MAP2K5: variants seen among roughly 807,000 people sequenced by gnomAD.
MAP2K5 encodes mitogen-activated protein kinase kinase 5.
A neutral mutation model predicts 83.1 loss-of-function variants in MAP2K5; 49 were observed. The observed-to-expected ratio is 0.59, with a 90% CI of 0.47 to 0.75. The LOEUF (loss-of-function observed/expected upper bound fraction) is 0.75, where lower values mean the gene tolerates loss of function less well. MAP2K5 is among the 30% of genes least tolerant of loss of function. The pLI is 0.00. For missense variants in MAP2K5, 457 were observed against 557.5 expected (o/e 0.82, Z 1.82); for synonymous variants, 202 against 191.8 (o/e 1.05, Z -0.44).
In MAP2K5 at chr15:67,714,413, G is replaced by GAAAAAAAAAAAAAA. The variant is rs2088777375; in HGVS notation, c.1044+11005_1044+11006insAAAAAAAAAAAAAA. Among the ~76,000 whole-genome samples the GAAAAAAAAAAAAAA allele has an allele frequency of 4.7e-5, 2 of 42,682 alleles. 1 individual carries two copies. Among genetic ancestry groups the GAAAAAAAAAAAAAA allele is most frequent in the African/African-American group, 1.6e-4 (2 of 12,740 alleles). 28.0% of individuals were successfully genotyped at this position (42,682 alleles called of 152,430 possible). On this transcript the variant is annotated intron_variant, in intron 16 of 21. Coordinates refer to ENST00000178640, the MANE Select transcript of MAP2K5 (RefSeq NM_145160.3). Reference sequence around the variant, plus strand: ...CCCCCCACCCCTACCCAGCTGCCAGGGAAAAAAAAAAAAAAAAAAAAAAAA... The same window carrying GAAAAAAAAAAAAAA: ...CCCCCCACCCCTACCCAGCTGCCAGGAAAAAAAAAAAAAAGAAAAAAAAAAAAAAAAAAAAAAAA...
chr15:67,757,017 A>G lies in MAP2K5; in HGVS notation c.1134+8416A>G, dbSNP rs2141284570. Among the ~76,000 whole-genome samples the G allele has an allele frequency of 6.6e-6, 1 of 152,278 alleles. No individual in the cohort carries two copies. Among genetic ancestry groups the G allele is most frequent in the South Asian group, 2.1e-4 (1 of 4,820 alleles). ...CTGCAGTGAACATGGCAGTGCAGAT[A>G]TCTCTTCAGGATAGTGATTTATTTC... On this transcript the variant is annotated intron_variant, in intron 19 of 21. Coordinates refer to ENST00000178640, the MANE Select transcript of MAP2K5 (RefSeq NM_145160.3). The surrounding 1 kb of genome is among the most constrained non-coding windows in gnomAD (Gnocchi z 4.9).
At chr15:67,571,964 A>G (rs1399929736) in intron 3 of MAP2K5, among the ~76,000 whole-genome samples, 1 of 152,226 alleles carries the variant, frequency 6.6e-6, no homozygotes, top group Non-Finnish European at 1.5e-5. Flanking sequence ...ATTAACAAAA[A>G]AGGAAACAGA....
intron 15 of MAP2K5, among the ~76,000 whole-genome samples, chr15:67,700,531 T>G (rs1353024491): frequency 1.3e-5 from 2 of 152,132 alleles, no homozygotes; most frequent in African/African-American, 4.8e-5. Context: ...GTTGGTTTTG[T>G]TTTGTTTTGT....
rs955293672 is a variant in MAP2K5 at position 67,724,997 on chromosome 15, C to A, written c.1045-2919C>A. 1.3e-5 allele frequency among the ~76,000 whole-genome samples: 2 copies of A among 152,204 alleles called. No individual in the cohort carries two copies. The highest frequency in any genetic ancestry group is 6.5e-5 in the Admixed American group (1 of 15,292). On this transcript the variant is annotated intron_variant, in intron 16 of 21. Transcript: ENST00000178640. This position sits in a 1 kb window ranked among gnomAD's most constrained non-coding sequence, Gnocchi z 4.4. Reference sequence around the variant, plus strand: ...GAGGTCAGACCTGCAAGATGTCTTACAAGCAGTCCTCCCAGGAACATAGTT... The same window carrying A: ...GAGGTCAGACCTGCAAGATGTCTTAAAAGCAGTCCTCCCAGGAACATAGTT...
intron 13 of MAP2K5, among the ~76,000 whole-genome samples, chr15:67,670,719 C>A (rs1477510589): frequency 1.3e-5 from 2 of 151,652 alleles, no homozygotes; most frequent in African/African-American, 2.4e-5. Context: ...GCCAACCCCC[C>A]CACCCCAAGA....
At chr15:67,591,769 A>G (rs1201954950) in intron 6 of MAP2K5, among the ~76,000 whole-genome samples, 1 of 152,068 alleles carries the variant, frequency 6.6e-6, no homozygotes, top group African/African-American at 2.4e-5. Context: ...ATAACTCATT[A>G]TAAAGCTAGA....
intron 16 of MAP2K5, among the ~76,000 whole-genome samples, chr15:67,705,668 G>A (rs1333059233): frequency 1.3e-5 from 2 of 152,060 alleles, no homozygotes; most frequent in East Asian, 1.9e-4. Flanking sequence ...CCCAGGAGGC[G>A]GAGGTTGTGG....
chr15:67,705,508 G>A (rs2088528757), intron 16 of MAP2K5, among the ~76,000 whole-genome samples: 5 of 152,214 alleles, frequency 3.3e-5, no homozygotes, highest in Admixed American at 2.6e-4. Flanking sequence ...GCTGAGGTGG[G>A]CAGATCACCT....
chr15:67,602,692 C>T (rs927229969), intron 8 of MAP2K5, among the ~76,000 whole-genome samples: 3 of 152,192 alleles, frequency 2.0e-5, no homozygotes, highest in African/African-American at 4.8e-5. Context: ...GATGGAGTCT[C>T]GCTCTGTTGC....
chr15:67,699,970 T>TAAAA (rs5813453), intron 15 of MAP2K5, among the ~76,000 whole-genome samples: 11 of 140,912 alleles, frequency 7.8e-5, no homozygotes, highest in African/African-American at 1.3e-4. Context: ...CTTGCCAATG[T>TAAAA]AAAAAAAAAA....
At chr15:67,697,361 C>A (rs544759985) in intron 15 of MAP2K5, among the ~76,000 whole-genome samples, 1 of 152,152 alleles carries the variant, frequency 6.6e-6, no homozygotes. Flanking sequence ...TTATTATTCT[C>A]ATTTTAGAGA....
chr15:67,701,355 C>T (rs1295607492), intron 15 of MAP2K5, among the ~76,000 whole-genome samples: 1 of 152,180 alleles, frequency 6.6e-6, no homozygotes, highest in African/African-American at 2.4e-5. Context: ...GCATTGACTG[C>T]ATACCTGTTA....
chr15:67,642,354 A>G, intron 9 of MAP2K5: 1 of 1,348,782 alleles, frequency 7.4e-7, no homozygotes. Context: ...AAAAATGTAC[A>G]AGACTCAGCC....
intron 3 of MAP2K5, among the ~76,000 whole-genome samples, chr15:67,579,682 C>A (rs989142363): frequency 6.6e-6 from 1 of 151,750 alleles, no homozygotes; most frequent in East Asian, 1.9e-4. Context: ...TTATAGCTCC[C>A]CTTTATTTTC....
chr15:67,704,247 T>G (rs1360363150), intron 16 of MAP2K5, among the ~76,000 whole-genome samples: 1 of 152,196 alleles, frequency 6.6e-6, no homozygotes, highest in African/African-American at 2.4e-5. Flanking sequence ...AAAGAAGGAC[T>G]TGTATTTTCT....
Position 67,786,626 on chromosome 15 carries a change from C to T in MAP2K5, c.1242+13874C>T, listed in dbSNP as rs1297807418. ...TAGTAGTCAGTGAGGATGCCTGGCTCGGGCCTGAGTACAGAACTTGGAAAG... is the reference window on the plus strand; with the variant it reads ...TAGTAGTCAGTGAGGATGCCTGGCTTGGGCCTGAGTACAGAACTTGGAAAG... On this transcript the variant is annotated intron_variant, in intron 21 of 21. Transcript: ENST00000178640. The surrounding 1 kb of genome is among the most constrained non-coding windows in gnomAD (Gnocchi z 4.7). 6.6e-6 allele frequency among the ~76,000 whole-genome samples: 1 copy of T among 152,180 alleles called. No individual in the cohort carries two copies. The highest frequency in any genetic ancestry group is 1.5e-5 in the Non-Finnish European group (1 of 68,036).
intron 19 of MAP2K5, among the ~76,000 whole-genome samples, chr15:67,765,223 G>A (rs2090018268): frequency 6.6e-6 from 1 of 152,190 alleles, no homozygotes. Context: ...GCTGGGTGTG[G>A]TGGCGCACGC....
At chr15:67,585,563 T>C (rs1452600902) in intron 4 of MAP2K5, among the ~76,000 whole-genome samples, 1 of 152,208 alleles carries the variant, frequency 6.6e-6, no homozygotes, top group Non-Finnish European at 1.5e-5. Context: ...AGATATACAA[T>C]GTAATAGAAT....
chr15:67,722,059 G>C lies in MAP2K5; in HGVS notation c.1045-5857G>C, dbSNP rs2141241298. On this transcript the variant is annotated intron_variant, in intron 16 of 21. Transcript: ENST00000178640. This position sits in a 1 kb window ranked among gnomAD's most constrained non-coding sequence, Gnocchi z 4.2. ...CTGTAGTGAGTACTGATAATGTGGA[G>C]GGTCCCAAAGGTTATTAGGGCATGT... Among the ~76,000 whole-genome samples, 1 of 152,250 alleles carries C rather than the reference G, an allele frequency of 6.6e-6. No homozygotes were observed. The highest frequency in any genetic ancestry group is 1.5e-5 in the Non-Finnish European group (1 of 68,020).
Sources: allele counts gnomAD v4.1 joint callset (sites outside exome capture counted in the v4.1 genomes callset), GRCh38; gene constraint gnomAD v4.1.1; non-coding constraint Gnocchi (gnomAD v3.1); transcripts MANE v1.5; gene names NCBI Gene and HGNC (gene_info 2026-07-23, HGNC 2026-07-21).